Variants in RHD observed in about 807,000 individuals in gnomAD.
RHD encodes Rh blood group D antigen.
Under a neutral mutation model 45.5 loss-of-function variants are expected in RHD, and 16 were observed. That is an observed-to-expected ratio of 0.35 (90% CI 0.24 to 0.53). The LOEUF (loss-of-function observed/expected upper bound fraction) is 0.53. Ranked by LOEUF, RHD falls within the 20% of genes least tolerant of loss-of-function variation. RHD has a pLI of 0.92. For missense variants in RHD, 306 were observed against 532.0 expected (o/e 0.58, Z 4.18); for synonymous variants, 131 against 217.5 (o/e 0.60, Z 3.50).
chr1:25,282,997 A>AAATTCTTC (rs1479804141), intron 1 of RHD, among the ~76,000 whole-genome samples: 2 of 133,140 alleles, frequency 1.5e-5, no homozygotes, highest in East Asian at 3.9e-4. Context: ...GACGGAAAAA[A>AAATTCTTC]AATTCTTCAA....
In RHD at chr1:25,303,770, CTTCT is replaced by C. The variant is rs1318657646; in HGVS notation, c.939+318_939+321del. Reference sequence around the variant, plus strand: ...GGGGAGCCCCGAAGCCCCTGTTTTACTTCTTTCTTTGCTTTTCCTGAATATCTGC... The same window carrying C: ...GGGGAGCCCCGAAGCCCCTGTTTTACTTCTTTGCTTTTCCTGAATATCTGC... On this transcript the variant is annotated intron_variant, in intron 6 of 9. Transcript: ENST00000328664. 1.1e-4 allele frequency among the ~76,000 whole-genome samples: 14 copies of C among 131,470 alleles called. 2 individuals carry two copies. Among genetic ancestry groups the C allele is most frequent in the Admixed American group, 2.2e-4 (3 of 13,656 alleles). 86.2% of individuals were successfully genotyped at this position (131,470 alleles called of 152,430 possible).
intron 1 of RHD, among the ~76,000 whole-genome samples, chr1:25,277,914 T>G (rs1157196937): frequency 1.5e-5 from 2 of 133,268 alleles, no homozygotes; most frequent in Admixed American, 1.5e-4. Flanking sequence ...CCTCAGGTGA[T>G]GCACCCGCCT....
intron 1 of RHD, among the ~76,000 whole-genome samples, chr1:25,278,900 G>A (rs553432898): frequency 0.011 from 1,433 of 128,556 alleles, 195 homozygotes; most frequent in African/African-American, 0.036. Context: ...AGGAGGTGGC[G>A]GCCTCCTGAG....
chr1:25,317,716 A>G (rs967041072), intron 8 of RHD, among the ~76,000 whole-genome samples: 1 of 42,398 alleles, frequency 2.4e-5, no homozygotes, highest in Admixed American at 2.4e-4. Flanking sequence ...GAGGAGGGAG[A>G]TATGCGATGC....
At chr1:25,315,017 A>G (rs945805661) in intron 7 of RHD, among the ~76,000 whole-genome samples, 2 of 129,616 alleles carry the variant, frequency 1.5e-5, no homozygotes, top group African/African-American at 5.3e-5. Context: ...ATCCTGGCCA[A>G]CATGGTGAAG....
Position 25,329,887 on chromosome 1 carries a change from C to A in RHD, c.*963C>A, listed in dbSNP as rs1336170443. 1 of 129,508 alleles carries A rather than the reference C, an allele frequency of 7.7e-6. No individual in the cohort carries two copies. The highest frequency in any genetic ancestry group is 2.6e-5 in the African/African-American group (1 of 38,018). The allele number at this position is 129,508 out of a possible 1,614,324, so 8.0% of individuals were successfully genotyped here. ...GGATAGTTTCACCAGGATCTCTTGG[C>A]CTCATGATCAGCCTGCCTCGGCCTC... On this transcript the variant is annotated 3_prime_UTR_variant, in exon 10 of 10. Transcript: ENST00000328664.
At position 25,277,878 on chromosome 1, in the gene RHD, T is replaced by C. The variant is rs541173091; in HGVS notation, c.148+5183T>C. ...TAGTAGAGATGGGGTTTCTCCATGT[T>C]GGTGAGGCTGGTCTCGAACTCCCAA... On this transcript the variant is annotated intron_variant, in intron 1 of 9. Transcript: ENST00000328664. 3.0e-5 allele frequency among the ~76,000 whole-genome samples: 4 copies of C among 132,386 alleles called. 1 individual carries two copies. Among genetic ancestry groups the C allele is most frequent in the African/African-American group, 1.0e-4 (4 of 38,946 alleles). The allele number at this position is 132,386 out of a possible 152,430, so 86.9% of individuals were successfully genotyped here. A position where few individuals can be genotyped will look rare whatever the true frequency, so the allele number is the denominator to read the frequency against.
rs915463652 is a variant in RHD, at chr1:25,330,208, A to C, written c.*1284A>C. Reference sequence around the variant, plus strand: ...TGCTATGTGTCACACTTTGCCAAACAGGATGTGGAAAATGAATAAGCGGTT... The same window carrying C: ...TGCTATGTGTCACACTTTGCCAAACCGGATGTGGAAAATGAATAAGCGGTT... On this transcript the variant is annotated 3_prime_UTR_variant, in exon 10 of 10. Coordinates refer to ENST00000328664, the MANE Select transcript of RHD (RefSeq NM_016124.6). 1 of 133,128 alleles carries C rather than the reference A, an allele frequency of 7.5e-6. No individual in the cohort carries two copies. Among genetic ancestry groups the C allele is most frequent in the African/African-American group, 2.6e-5 (1 of 39,000 alleles). 8.2% of individuals were successfully genotyped at this position (133,128 alleles called of 1,614,324 possible).
In RHD at chr1:25,309,990, A is replaced by C. The variant is rs528225359; in HGVS notation, c.1073+3261A>C. 8.3e-5 allele frequency among the ~76,000 whole-genome samples: 11 copies of C among 132,710 alleles called. 2 individuals carry two copies. Among genetic ancestry groups the C allele is most frequent in the African/African-American group, 1.5e-4 (6 of 39,552 alleles). 87.1% of individuals were successfully genotyped at this position (132,710 alleles called of 152,430 possible). A position where few individuals can be genotyped will look rare whatever the true frequency, so the allele number is the denominator to read the frequency against. On this transcript the variant is annotated intron_variant, in intron 7 of 9. Transcript: ENST00000328664. ...GCCACTTATTACTTAAAAAAACCCC[A>C]AAAAACCCAACTTATATAGTATAAG...
chr1:25,324,746 TA>T (rs1303782657), intron 9 of RHD, among the ~76,000 whole-genome samples: 1 of 149,376 alleles, frequency 6.7e-6, no homozygotes, highest in Non-Finnish European at 1.5e-5. Context: ...CAGCCCTGCA[TA>T]AAAGTAAGTA....
In RHD at chr1:25,303,439, G is replaced by A. The variant is rs762881746; in HGVS notation, c.919G>A (p.Gly307Arg). 2.4e-5 allele frequency: 33 copies of A among 1,378,878 alleles called. 7 individuals carry two copies. The highest frequency in any genetic ancestry group is 3.7e-4 in the Middle Eastern group (2 of 5,478). The allele number at this position is 1,378,878 out of a possible 1,614,324, so 85.4% of individuals were successfully genotyped here. Residue 307 changes from glycine (G) to arginine (R), a missense_variant, in exon 6 of 10, where the codon GGG becomes AGG. Transcript: ENST00000328664. Reference protein sequence around the residue: ...LGLVAGLISVGGAKYLPGCCN... With the variant: ...LGLVAGLISVRGAKYLPGCCN... ...TCTTGTGGCTGGGCTGATCTCCGTCGGGGGAGCCAAGTACCTGCCGGTAAG... is the reference window on the plus strand; with the variant it reads ...TCTTGTGGCTGGGCTGATCTCCGTCAGGGGAGCCAAGTACCTGCCGGTAAG...
intron 7 of RHD, among the ~76,000 whole-genome samples, chr1:25,310,367 G>C (rs1169602937): frequency 7.5e-6 from 1 of 133,138 alleles, no homozygotes; most frequent in Non-Finnish European, 1.8e-5. Flanking sequence ...GCATGCTCTT[G>C]CCCTCTCACT....
At chr1:25,302,273 G>A (rs1371152912) in intron 5 of RHD, among the ~76,000 whole-genome samples, 1 of 130,132 alleles carries the variant, frequency 7.7e-6, no homozygotes, top group African/African-American at 2.7e-5. Flanking sequence ...AGTCTTGTGG[G>A]CAGAGATGGG....
Position 25,286,509 on chromosome 1 carries a change from G to A in RHD, c.335+1750G>A, listed in dbSNP as rs563744952. ...GTCTCAAAAAACAGTTTTAGGGGCC[G>A]GGCGCAGTGGTTCATGCCTGTAATC... On this transcript the variant is annotated intron_variant, in intron 2 of 9. Coordinates refer to ENST00000328664, the MANE Select transcript of RHD (RefSeq NM_016124.6). Among the ~76,000 whole-genome samples, 16 of 135,008 alleles carry A rather than the reference G, an allele frequency of 1.2e-4. 1 individual carries two copies. Among genetic ancestry groups the A allele is most frequent in the East Asian group, 3.9e-4 (2 of 5,166 alleles). 88.6% of individuals were successfully genotyped at this position (135,008 alleles called of 152,430 possible).
At chr1:25,293,249 T>TA (rs1298747430) in intron 3 of RHD, among the ~76,000 whole-genome samples, 4 of 129,010 alleles carry the variant, frequency 3.1e-5, no homozygotes, top group African/African-American at 1.1e-4. Context: ...AATCTGATGA[T>TA]ACAGAAGAGA....
At position 25,301,018 on chromosome 1, in the gene RHD, C is replaced by T; in HGVS notation, c.559C>T (p.Leu187=). The T allele has an allele frequency of 4.4e-6, 6 of 1,377,072 alleles. 2 individuals carry two copies. Among genetic ancestry groups the T allele is most frequent in the Non-Finnish European group, 6.1e-6 (6 of 978,798 alleles). The allele number at this position is 1,377,072 out of a possible 1,614,324, so 85.3% of individuals were successfully genotyped here. A position where few individuals can be genotyped will look rare whatever the true frequency, so the allele number is the denominator to read the frequency against. The change falls in exon 4 of 10, where the codon CTG becomes TTG. Residue 187 remains leucine, a synonymous_variant. Transcript: ENST00000328664. ...TTTTGGGCTGTCTGTGGCCTGGTGC[C>T]TGCCAAAGCCTCTACCCGAGGGAAC... ...AYFGLSVAWC[L]PKPLPEGTED... is the part of the protein sequence containing the mutation.
chr1:25,294,253 A>C, intron 3 of RHD: 1 of 995,390 alleles, frequency 1.0e-6, no homozygotes, highest in Non-Finnish European at 1.6e-6. Context: ...AAAGCTGAAA[A>C]TGCCAAAAGC....
chr1:25,283,535 TA>T lies in RHD; in HGVS notation c.149-1027del, dbSNP rs143319928. Among the ~76,000 whole-genome samples the T allele has an allele frequency of 2.6e-4, 28 of 109,160 alleles. 1 individual carries two copies. Among genetic ancestry groups the T allele is most frequent in the East Asian group, 4.3e-4 (2 of 4,640 alleles). The allele number at this position is 109,160 out of a possible 152,430, so 71.6% of individuals were successfully genotyped here. On this transcript the variant is annotated intron_variant, in intron 1 of 9. Coordinates refer to ENST00000328664, the MANE Select transcript of RHD (RefSeq NM_016124.6). The stretch of plus-strand genomic sequence containing the variant: ...GACGAGTGAAACTCTATCTCGATAT[TA>T]AAAAAAAAAATCTTAGCTCTACCCA...
rs1309784642 is a variant in RHD, at chr1:25,304,661, C to T, written c.939+1202C>T. On this transcript the variant is annotated intron_variant, in intron 6 of 9. Transcript: ENST00000328664. ...TATTTAGCCATAAAAAGAATGAAAT[C>T]CTGTCATTTGCAGCAACATGGATGG... The T allele has an allele frequency of 4.6e-5, 6 of 130,102 alleles. 2 individuals carry two copies. Among genetic ancestry groups the T allele is most frequent in the Non-Finnish European group, 1.1e-4 (6 of 55,440 alleles). The allele number at this position is 130,102 out of a possible 1,614,324, so 8.1% of individuals were successfully genotyped here.
Sources: gnomAD v4.1 joint callset for allele counts (sites outside exome capture counted in the v4.1 genomes callset) on GRCh38, gnomAD v4.1.1 for gene constraint, MANE v1.5 for transcripts, NCBI Gene and HGNC (gene_info 2026-07-23, HGNC 2026-07-21) for gene names.